PCDHA9: variants seen among roughly 807,000 people sequenced by gnomAD.
The protein encoded by PCDHA9 is protocadherin alpha 9.
PCDHA9 carries 62 observed loss-of-function variants against 62.0 expected under a neutral mutation model. That is an observed-to-expected ratio of 1.00 (90% CI 0.81 to 1.23). PCDHA9 has a LOEUF of 1.23. PCDHA9 is among the 50% of genes most tolerant of loss of function. The pLI is 0.00. For synonymous variants in PCDHA9, 557 were observed against 567.6 expected (o/e 0.98, Z 0.27); for missense variants, 1,205 against 1,249.8 (o/e 0.96, Z 0.54).
At chr5:140,919,393 T>C (rs2079115816) in intron 1 of PCDHA9, among the ~76,000 whole-genome samples, 1 of 152,222 alleles carries the variant, frequency 6.6e-6, no homozygotes, top group South Asian at 2.1e-4. Flanking sequence ...GGATGTTGTT[T>C]TCCTAAAAAC....
chr5:140,967,889 C>T, intron 1 of PCDHA9: 1 of 1,614,146 alleles, frequency 6.2e-7, no homozygotes, highest in Non-Finnish European at 8.5e-7. Context: ...TAGCCCAGTG[C>T]CTGAGAATGC....
chr5:140,898,148 A>C lies in PCDHA9; in HGVS notation c.2394+47259A>C, dbSNP rs532668918. On this transcript the variant is annotated intron_variant, in intron 1 of 3. Coordinates refer to ENST00000532602, the MANE Select transcript of PCDHA9 (RefSeq NM_031857.2). ...CTCCCATTTTGTAGGTTGCCTGTTC[A>C]CGCTGATGGTGGTTTCTTTTGCTGT... Among the ~76,000 whole-genome samples, 1,044 of 152,230 alleles carry C rather than the reference A, an allele frequency of 6.9e-3. 8 individuals are homozygous for C. The highest frequency in any genetic ancestry group is 0.024 in the African/African-American group (1,010 of 41,492).
chr5:140,926,903 G>GT, intron 1 of PCDHA9: 1 of 1,558,060 alleles, frequency 6.4e-7, no homozygotes, highest in Non-Finnish European at 8.7e-7. Context: ...ATGGTGGGCT[G>GT]TGGGGTGGCA....
intron 1 of PCDHA9, among the ~76,000 whole-genome samples, chr5:140,917,805 T>C (rs2153545461): frequency 6.6e-6 from 1 of 152,328 alleles, no homozygotes; most frequent in African/African-American, 2.4e-5. Flanking sequence ...AGCCTTGCAG[T>C]ATAGTTGAAG....
chr5:140,856,105 C>T (rs1287720041), intron 1 of PCDHA9: 2 of 1,598,000 alleles, frequency 1.3e-6, no homozygotes, highest in Non-Finnish European at 1.7e-6. Flanking sequence ...CGCTTCTTCT[C>T]CTCGCAGCCT....
intron 3 of PCDHA9, among the ~76,000 whole-genome samples, chr5:141,004,953 G>A (rs1409171628): frequency 7.2e-5 from 11 of 152,166 alleles, no homozygotes; most frequent in African/African-American, 2.4e-4. Context: ...ACCCTCTCTC[G>A]TCACTGCCTG....
intron 1 of PCDHA9, chr5:140,968,847 A>G (rs781874732): frequency 8.7e-6 from 14 of 1,614,222 alleles, no homozygotes; most frequent in Middle Eastern, 1.6e-4. Context: ...ACTCAGAGGC[A>G]TGTTAAGAGC....
At chr5:140,997,668 TTGTGTGTGTGTG>T (rs35184029) in intron 3 of PCDHA9, among the ~76,000 whole-genome samples, 3 of 148,244 alleles carry the variant, frequency 2.0e-5, no homozygotes, top group South Asian at 2.2e-4. Context: ...ATTATACAGC[TTGTGTGTGTGTG>T]TGTGTGTGTG....
intron 1 of PCDHA9, among the ~76,000 whole-genome samples, chr5:140,919,151 G>A (rs1246862771): frequency 2.6e-5 from 4 of 152,122 alleles, no homozygotes; most frequent in African/African-American, 9.7e-5. Flanking sequence ...ATTATTAGAT[G>A]CAAGTATGTT....
At position 140,927,496 on chromosome 5, in the gene PCDHA9, G is replaced by A. The variant is rs1206944698; in HGVS notation, c.2395-51453G>A. ...CGAACAGCGCGCCACCCACCTGCTG[G>A]TGCTTACAGCTCGGGACGGCGGGCT... On this transcript the variant is annotated intron_variant, in intron 1 of 3. Coordinates refer to ENST00000532602, the MANE Select transcript of PCDHA9 (RefSeq NM_031857.2). 10 of 1,614,026 alleles carry A rather than the reference G, an allele frequency of 6.2e-6. No individual in the cohort carries two copies. In the African/African-American group the frequency reaches 8.0e-5, roughly 13 times the overall value.
intron 1 of PCDHA9, among the ~76,000 whole-genome samples, chr5:140,901,786 T>C (rs2068901288): frequency 6.6e-6 from 1 of 152,242 alleles, no homozygotes; most frequent in South Asian, 2.1e-4. Context: ...TAGATTACTT[T>C]GGGTAGTATG....
At chr5:140,936,418 T>G (rs2090950050) in intron 1 of PCDHA9, among the ~76,000 whole-genome samples, 1 of 152,222 alleles carries the variant, frequency 6.6e-6, no homozygotes, top group African/African-American at 2.4e-5. Context: ...ATGTTACTAA[T>G]TTTAATTAAT....
chr5:140,893,388 CATG>C (rs2063965035), intron 1 of PCDHA9, among the ~76,000 whole-genome samples: 1 of 152,132 alleles, frequency 6.6e-6, no homozygotes, highest in South Asian at 2.1e-4. Context: ...GACAGTGGCT[CATG>C]CCTGTAATCC....
At chr5:140,951,589 C>A (rs2094605772) in intron 1 of PCDHA9, among the ~76,000 whole-genome samples, 1 of 152,088 alleles carries the variant, frequency 6.6e-6, no homozygotes, top group Admixed American at 6.5e-5. Flanking sequence ...TTCACGAGAT[C>A]TCTCTCACTG....
At chr5:140,911,987 G>A (rs1554195079) in intron 1 of PCDHA9, among the ~76,000 whole-genome samples, 1 of 152,086 alleles carries the variant, frequency 6.6e-6, no homozygotes, top group Admixed American at 6.6e-5. Context: ...TGATCACAAG[G>A]TCCCACAATA....
chr5:140,889,509 C>T (rs2062255316), intron 1 of PCDHA9, among the ~76,000 whole-genome samples: 2 of 152,026 alleles, frequency 1.3e-5, no homozygotes, highest in Admixed American at 6.6e-5. Flanking sequence ...ATTTCCCTTT[C>T]CATTCTTGAT....
chr5:140,887,074 G>T (rs1554182860), intron 1 of PCDHA9, among the ~76,000 whole-genome samples: 2 of 151,506 alleles, frequency 1.3e-5, no homozygotes, highest in Non-Finnish European at 2.9e-5. Flanking sequence ...AATTCACTCA[G>T]CTTTTGTCTG....
intron 1 of PCDHA9, among the ~76,000 whole-genome samples, chr5:140,899,492 T>A (rs1325439071): frequency 3.9e-5 from 6 of 152,338 alleles, no homozygotes; most frequent in Admixed American, 3.3e-4. Context: ...CTGGATTACA[T>A]TTATTGATTT....
chr5:140,858,809 A>G (rs2045602165), intron 1 of PCDHA9: 1 of 352,582 alleles, frequency 2.8e-6, no homozygotes, highest in African/African-American at 2.2e-5. Flanking sequence ...CTAAATTTTG[A>G]TTTGATTGTA....
Sources: allele counts gnomAD v4.1 joint callset (sites outside exome capture counted in the v4.1 genomes callset), GRCh38; gene constraint gnomAD v4.1.1; transcripts MANE v1.5; gene names NCBI Gene and HGNC (gene_info 2026-07-23, HGNC 2026-07-21).